The following RPRD2 variants were observed in gnomAD, a reference collection of about 807,000 sequenced individuals.
RPRD2 encodes the protein regulation of nuclear pre-mRNA domain-containing protein 2.
RPRD2 carries 12 observed loss-of-function variants against 104.4 expected under a neutral mutation model. The ratio of observed to expected loss-of-function variants is 0.11; its 90% CI spans 0.07 to 0.19. The LOEUF is 0.19. Among genes scored for constraint, RPRD2 ranks in the 10% least tolerant of loss-of-function variants. The pLI, the probability that RPRD2 is intolerant of heterozygous loss-of-function variation, is 1.00. For missense variants in RPRD2, 1,543 were observed against 1,790.1 expected, an observed-to-expected ratio of 0.86 and a Z score of 2.49; for synonymous variants, 714 against 684.9, an observed-to-expected ratio of 1.04 and a Z score of -0.66.
chr1:150,386,231 C>G (rs2102154139), intron 1 of RPRD2, among the ~76,000 whole-genome samples: 1 of 152,242 alleles, frequency 6.6e-6, no homozygotes, highest in South Asian at 2.1e-4. Context: ...ACCTTGGCCT[C>G]CCATCGTGTT....
At chr1:150,439,237 T>C (rs1666241822) in intron 2 of RPRD2, among the ~76,000 whole-genome samples, 1 of 152,222 alleles carries the variant, frequency 6.6e-6, no homozygotes, top group African/African-American at 2.4e-5. Flanking sequence ...AGCATTACTA[T>C]CTTACAGTCT....
chr1:150,370,133 A>C (rs1311741414), intron 1 of RPRD2, among the ~76,000 whole-genome samples: 1 of 151,932 alleles, frequency 6.6e-6, no homozygotes, highest in Non-Finnish European at 1.5e-5. Context: ...GCCCAGGCTG[A>C]ACTCTTGGGC....
At chr1:150,402,976 C>CAAAAA (rs113153301) in intron 1 of RPRD2, among the ~76,000 whole-genome samples, 1 of 146,590 alleles carries the variant, frequency 6.8e-6, no homozygotes, top group Non-Finnish European at 1.5e-5. Context: ...CTCAAAAAAA[C>CAAAAA]AAAAACAAAA....
At chr1:150,469,058 G>A (rs1421528334) in intron 10 of RPRD2, among the ~76,000 whole-genome samples, 1 of 151,798 alleles carries the variant, frequency 6.6e-6, no homozygotes, top group Non-Finnish European at 1.5e-5. Context: ...ACATTATTTA[G>A]AAATAAATGG....
At position 150,364,859 on chromosome 1, in the gene RPRD2, A is replaced by C; in HGVS notation, c.145A>C (p.Ile49Leu). 1 of 1,613,968 alleles carries C rather than the reference A, an allele frequency of 6.2e-7. No individual in the cohort carries two copies. Among genetic ancestry groups the C allele is most frequent in the Non-Finnish European group, 8.5e-7 (1 of 1,179,814 alleles). The part of the protein sequence containing the change: ...ESIQGLSSWC[I>L]ENKKHHSTIV... ...CATTCAAGGCTTGTCGTCTTGGTGT[A>C]TAGAGAACAAAAAACACCACAGTAC... is the stretch of plus-strand genomic sequence containing the variant. The change falls in exon 1 of 11, where the codon ATA (isoleucine) becomes CTA (leucine). Residue 49 changes from isoleucine (I) to leucine (L), a missense_variant. By Grantham distance (5) the Ile-to-Leu change is conservative. This residue lies in a region of RPRD2 where 88 missense variants were observed against 96.6 expected (regional missense o/e 0.91). Transcript: ENST00000369068.
intron 1 of RPRD2, among the ~76,000 whole-genome samples, chr1:150,413,073 A>G (rs1310686072): frequency 6.6e-6 from 1 of 152,180 alleles, no homozygotes; most frequent in African/African-American, 2.4e-5. Context: ...GGGGCAGATG[A>G]CTAGGAACCT....
intron 8 of RPRD2, among the ~76,000 whole-genome samples, chr1:150,459,563 A>G (rs1667779781): frequency 6.6e-6 from 1 of 152,116 alleles, no homozygotes; most frequent in South Asian, 2.1e-4. Flanking sequence ...TTGAAAAGTA[A>G]GATACAAGAT....
chr1:150,386,161 G>T (rs1661551018), intron 1 of RPRD2, among the ~76,000 whole-genome samples: 1 of 152,042 alleles, frequency 6.6e-6, no homozygotes, highest in Non-Finnish European at 1.5e-5. Flanking sequence ...TTGAGATGGT[G>T]GGGGATCTCA....
chr1:150,413,374 G>A (rs1298011097), intron 1 of RPRD2, among the ~76,000 whole-genome samples: 1 of 152,178 alleles, frequency 6.6e-6, no homozygotes, highest in African/African-American at 2.4e-5. Context: ...GCCGAGGCAG[G>A]CGGATCACCT....
At chr1:150,375,163 G>A (rs77122100) in intron 1 of RPRD2, among the ~76,000 whole-genome samples, 3,818 of 152,150 alleles carry the variant, frequency 0.025, 157 homozygotes, top group African/African-American at 0.086. Context: ...TGTATTGTGA[G>A]ACTTTCCAAG....
In RPRD2 at chr1:150,367,783, C is replaced by T. The variant is rs1244258960; in HGVS notation, c.205+2864C>T. ...TGTCGTCCAGACTGGAGTGCAGTGG[C>T]GCGATCTCAGCTCACTGCAACCTCC... On this transcript the variant is annotated intron_variant, in intron 1 of 10. Coordinates refer to ENST00000369068, the MANE Select transcript of RPRD2 (RefSeq NM_015203.5). 9.9e-5 allele frequency among the ~76,000 whole-genome samples: 15 copies of T among 151,190 alleles called. 1 individual carries two copies. Among genetic ancestry groups the T allele is most frequent in the Non-Finnish European group, 1.9e-4 (13 of 67,850 alleles).
rs1185628216 is a variant in RPRD2, at chr1:150,475,657, A to G, written c.*2323A>G. On this transcript the variant is annotated 3_prime_UTR_variant, in exon 11 of 11. Transcript: ENST00000369068. ...GAGGATTTGTATGAGACTGTCAGCT[A>G]TTAATTTTAAGGAAATCTTAAAATT... 1 of 152,614 alleles carries G rather than the reference A, an allele frequency of 6.6e-6. No individual in the cohort carries two copies. The allele number at this position is 152,614 out of a possible 1,614,324, so 9.5% of individuals were successfully genotyped here.
intron 2 of RPRD2, among the ~76,000 whole-genome samples, chr1:150,423,664 C>A (rs587687532): frequency 4.5e-4 from 68 of 152,126 alleles, no homozygotes; most frequent in African/African-American, 1.5e-3. Flanking sequence ...GCAAAATGCT[C>A]CAAAATCTGG....
chr1:150,394,962 T>A (rs1356768303), intron 1 of RPRD2, among the ~76,000 whole-genome samples: 1 of 152,222 alleles, frequency 6.6e-6, no homozygotes, highest in African/African-American at 2.4e-5. Flanking sequence ...AAAGAACATC[T>A]TTATGACCAT....
rs587713647 is a variant in RPRD2, at chr1:150,442,506, A to G, written c.514+548A>G. On this transcript the variant is annotated intron_variant, in intron 4 of 10. Transcript: ENST00000369068. ...TCAAGGGAATGGAATACTGCATGTG[A>G]TAGGCTGCTGTGGGCAAACTGAGGA... Among the ~76,000 whole-genome samples, 5 of 152,280 alleles carry G rather than the reference A, an allele frequency of 3.3e-5. No individual in the cohort carries two copies. The East Asian group carries it at 5.8e-4, about 18-fold the overall frequency.
Position 150,427,192 on chromosome 1 carries a change from G to T in RPRD2, c.335+9467G>T, listed in dbSNP as rs183140406. Among the ~76,000 whole-genome samples the T allele has an allele frequency of 2.6e-5, 4 of 152,032 alleles. No homozygotes were observed. In the East Asian group the frequency reaches 7.7e-4, roughly 29 times the overall value. ...TTTAAAAAAGAAAAACAAAGAAAAG[G>T]CCGGGTGCTGTGGCTCACGCCTGTA... On this transcript the variant is annotated intron_variant, in intron 2 of 10. Coordinates refer to ENST00000369068, the MANE Select transcript of RPRD2 (RefSeq NM_015203.5).
At chr1:150,402,819 TA>T (rs1663151448) in intron 1 of RPRD2, among the ~76,000 whole-genome samples, 3 of 152,126 alleles carry the variant, frequency 2.0e-5, no homozygotes, top group African/African-American at 7.2e-5. Flanking sequence ...ATACGAAAAT[TA>T]GCCGGGCATG....
At chr1:150,440,755 T>C (rs1284000785) in intron 2 of RPRD2, among the ~76,000 whole-genome samples, 168 bp from the exon 3 acceptor site, 1 of 151,186 alleles carries the variant, frequency 6.6e-6, no homozygotes, top group Non-Finnish European at 1.5e-5. Context: ...TAAAATAATC[T>C]TAAAGTTTAA....
intron 1 of RPRD2, among the ~76,000 whole-genome samples, chr1:150,408,405 C>A (rs587748503): frequency 6.6e-6 from 1 of 152,004 alleles, no homozygotes; most frequent in African/African-American, 2.4e-5. Context: ...CTATCCGCCT[C>A]GGCCTCCCAA....
Sources: gnomAD v4.1 joint callset for allele counts (sites outside exome capture counted in the v4.1 genomes callset) on GRCh38, gnomAD v4.1.1 for gene constraint, gnomAD v4.1.1 regional missense constraint, MANE v1.5 for transcripts, NCBI Gene and HGNC (gene_info 2026-07-23, HGNC 2026-07-21) for gene names.